Variants in TEX10 observed in about 807,000 individuals in gnomAD.
TEX10 encodes testis expressed 10.
Under a neutral mutation model 104.4 loss-of-function variants are expected in TEX10, and 24 were observed. The ratio of observed to expected loss-of-function variants is 0.23; its 90% CI spans 0.17 to 0.32. The LOEUF (loss-of-function observed/expected upper bound fraction) is 0.32, where lower values mean the gene tolerates loss of function less well. TEX10 is among the 10% of genes least tolerant of loss of function. The probability of loss-of-function intolerance (pLI) is 1.00; values close to 1 mark genes in which losing one functional copy is unlikely to be tolerated. For missense variants in TEX10, 921 were observed against 1,083.9 expected (o/e 0.85, Z 2.11); for synonymous variants, 396 against 393.4 (o/e 1.01, Z -0.08).
chr9:100,318,851 C>T lies in TEX10; in HGVS notation c.2202+1414G>A, dbSNP rs927723511. On this transcript the variant is annotated intron_variant, in intron 11 of 14. Coordinates refer to ENST00000374902, the MANE Select transcript of TEX10 (RefSeq NM_017746.4). ...GGCTGAGGCAGGAGGATCACTTGAG[C>T]CCAGGAATTCAAGGCCAGCCTGGGC... Among the ~76,000 whole-genome samples, 66 of 152,076 alleles carry T rather than the reference C, an allele frequency of 4.3e-4. 2 individuals carry two copies. Among genetic ancestry groups the T allele is most frequent in the Non-Finnish European group, 5.9e-5 (4 of 68,022 alleles).
At chr9:100,321,866 A>G (rs878979922) in intron 9 of TEX10, 95 bp from the exon 10 acceptor site, 1 of 858,262 alleles carries the variant, frequency 1.2e-6, no homozygotes, top group South Asian at 1.7e-5. Context: ...CTTTACTGAA[A>G]ACAAGTTTGA....
chr9:100,322,867 C>T (rs1341038006), intron 9 of TEX10, among the ~76,000 whole-genome samples: 3 of 152,116 alleles, frequency 2.0e-5, no homozygotes, highest in Non-Finnish European at 2.9e-5. Flanking sequence ...CCACCTGCCT[C>T]GGTCTCCCAG....
At chr9:100,323,621 A>G (rs1464881901) in intron 9 of TEX10, among the ~76,000 whole-genome samples, 3 of 152,252 alleles carry the variant, frequency 2.0e-5, no homozygotes, top group Non-Finnish European at 4.4e-5. Flanking sequence ...AGGTAGAGAG[A>G]GCAATTCTAA....
intron 9 of TEX10, among the ~76,000 whole-genome samples, chr9:100,322,760 C>T (rs1430203743): frequency 2.6e-5 from 4 of 152,042 alleles, no homozygotes; most frequent in Admixed American, 6.6e-5. Flanking sequence ...GGATTATAGA[C>T]GTGCACCAAC....
At chr9:100,303,443 C>G (rs1040596268) in intron 14 of TEX10, among the ~76,000 whole-genome samples, 189 bp downstream of exon 14, 2 of 148,202 alleles carry the variant, frequency 1.3e-5, no homozygotes, top group Non-Finnish European at 3.0e-5. Context: ...GACACACCCC[C>G]CCCCCCATTA....
In TEX10 at chr9:100,352,902, C is replaced by G. The variant is rs928373537; in HGVS notation, c.-140G>C. The G allele has an allele frequency of 4.4e-5, 44 of 991,386 alleles. No homozygotes were observed. The highest frequency in any genetic ancestry group is 4.9e-5 in the Non-Finnish European group (41 of 834,534). The allele number at this position is 991,386 out of a possible 1,614,324, so 61.4% of individuals were successfully genotyped here. On this transcript the variant is annotated 5_prime_UTR_variant, in exon 1 of 15. Coordinates refer to ENST00000374902, the MANE Select transcript of TEX10 (RefSeq NM_017746.4). ...GGAGCGTGTTTTCAAATAGCCTCGTCCTCACGCGGCCGCGTCTCCTTCCGC... is the reference window on the plus strand; with the variant it reads ...GGAGCGTGTTTTCAAATAGCCTCGTGCTCACGCGGCCGCGTCTCCTTCCGC...
At position 100,302,317 on chromosome 9, in the gene TEX10, A is replaced by G. The variant is rs34169614; in HGVS notation, c.2677-13T>C. 14,392 of 1,591,384 alleles carry G rather than the reference A, an allele frequency of 9.0e-3. 81 individuals carry two copies. The highest frequency in any genetic ancestry group is 0.011 in the Non-Finnish European group (12,789 of 1,161,704). On this transcript the variant is annotated splice_polypyrimidine_tract_variant and intron_variant, in intron 14 of 14. Transcript: ENST00000374902. ...CACTCTTCAATGTCTGGAGAGAAAAACAAGAGTAATCTGAGAACTGCACCC... is the reference window on the plus strand; with the variant it reads ...CACTCTTCAATGTCTGGAGAGAAAAGCAAGAGTAATCTGAGAACTGCACCC...
chr9:100,344,033 T>C (rs758383130), intron 4 of TEX10, among the ~76,000 whole-genome samples: 8 of 152,240 alleles, frequency 5.3e-5, no homozygotes, highest in Non-Finnish European at 1.2e-4. Flanking sequence ...ATGTACATTT[T>C]TATACTCTGT....
chr9:100,316,005 A>C (rs1369565620), intron 11 of TEX10, among the ~76,000 whole-genome samples: 2 of 152,190 alleles, frequency 1.3e-5, no homozygotes, highest in African/African-American at 4.8e-5. Flanking sequence ...CTAAACTTTA[A>C]ATCTTTCTTC....
At chr9:100,352,421 T>C (rs908783442) in intron 1 of TEX10, 7 of 1,551,612 alleles carry the variant, frequency 4.5e-6, no homozygotes, top group Admixed American at 2.0e-5. Context: ...GAACACACCA[T>C]GGGTTTTAGG....
chr9:100,346,307 A>G lies in TEX10; in HGVS notation c.902T>C (p.Val301Ala). ...VSSQFRLRYL[V>A]GGLSGVDEGL... ...TTCATCCACACCACTCAGTCCTCCAACCAGATACCTAATAAGGGTAAGAAA... is the reference window on the plus strand; with the variant it reads ...TTCATCCACACCACTCAGTCCTCCAGCCAGATACCTAATAAGGGTAAGAAA... Residue 301 changes from valine (V) to alanine (A), a missense_variant, in exon 4 of 15, where the codon GTT becomes GCT. Val to Ala is a moderately conservative substitution (Grantham distance 64). Coordinates refer to ENST00000374902, the MANE Select transcript of TEX10 (RefSeq NM_017746.4). 6.2e-7 allele frequency: 1 copy of G among 1,612,796 alleles called. No homozygotes were observed. The highest frequency in any genetic ancestry group is 8.5e-7 in the Non-Finnish European group (1 of 1,179,486).
At chr9:100,314,011 T>C (rs952979638) in intron 11 of TEX10, among the ~76,000 whole-genome samples, 7 of 152,124 alleles carry the variant, frequency 4.6e-5, no homozygotes, top group African/African-American at 1.7e-4. Context: ...GAATGAGTAT[T>C]AGCTCTTTTT....
rs1219606883 is a variant in TEX10, at chr9:100,346,088, T to C, written c.1121A>G (p.Asp374Gly). The C allele has an allele frequency of 2.5e-6, 4 of 1,613,466 alleles. No homozygotes were observed. Among genetic ancestry groups the C allele is most frequent in the East Asian group, 2.2e-5 (1 of 44,850 alleles). Reference protein sequence around the residue: ...SLLWKLSKQQDETHKLESWLR... With the variant: ...SLLWKLSKQQGETHKLESWLR... Reference sequence around the variant, plus strand: ...AGTTCTCACCAATTTATGGGTTTCATCCTGTTGTTTAGAGAGTTTCCACAG... The same window carrying C: ...AGTTCTCACCAATTTATGGGTTTCACCCTGTTGTTTAGAGAGTTTCCACAG... The change falls in exon 4 of 15, where the codon GAT becomes GGT. Residue 374 changes from aspartate to glycine, a missense_variant. Coordinates refer to ENST00000374902, the MANE Select transcript of TEX10 (RefSeq NM_017746.4).
intron 5 of TEX10, among the ~76,000 whole-genome samples, chr9:100,334,083 T>C (rs1834944174): frequency 6.6e-6 from 1 of 152,100 alleles, no homozygotes; most frequent in Non-Finnish European, 1.5e-5. Context: ...GAAGAGAAAT[T>C]GGCAAATGTT....
At chr9:100,303,946 TC>T in intron 13 of TEX10, 104 bp from the exon 14 acceptor site, 1 of 1,133,058 alleles carries the variant, frequency 8.8e-7, no homozygotes, top group Non-Finnish European at 1.3e-6. Context: ...GAACATGTTT[TC>T]CAATAACATT....
chr9:100,327,048 GA>G (rs932294811), intron 8 of TEX10, among the ~76,000 whole-genome samples: 1 of 152,066 alleles, frequency 6.6e-6, no homozygotes, highest in Non-Finnish European at 1.5e-5. Context: ...GACAAATCTT[GA>G]AAATATTATG....
intron 9 of TEX10, among the ~76,000 whole-genome samples, chr9:100,324,172 A>G (rs1834645736): frequency 6.6e-6 from 1 of 152,064 alleles, no homozygotes; most frequent in Non-Finnish European, 1.5e-5. Flanking sequence ...AGCTGGGGTT[A>G]CATGCATGAG....
chr9:100,316,149 C>T (rs910217434), intron 11 of TEX10, among the ~76,000 whole-genome samples: 2 of 152,188 alleles, frequency 1.3e-5, no homozygotes, highest in African/African-American at 4.8e-5. Flanking sequence ...TGCAAATCAA[C>T]TCTAAAAGCA....
intron 11 of TEX10, among the ~76,000 whole-genome samples, chr9:100,314,526 G>A (rs1588167609): frequency 6.6e-6 from 1 of 152,268 alleles, no homozygotes; most frequent in East Asian, 1.9e-4. Context: ...CCAGTTTGTA[G>A]GTATATAGTT....
Sources: allele counts gnomAD v4.1 joint callset (sites outside exome capture counted in the v4.1 genomes callset), GRCh38; gene constraint gnomAD v4.1.1; transcripts MANE v1.5; gene names NCBI Gene and HGNC (gene_info 2026-07-23, HGNC 2026-07-21).